GARIN2: variants seen among roughly 807,000 people sequenced by gnomAD.
The protein encoded by GARIN2 is Golgi-associated RAB2 interactor protein 2.
At chr14:67,190,081 T>G in the GARIN2 span, among the ~76,000 whole-genome samples, 2 of 149,702 alleles carry the variant, frequency 1.3e-5, no homozygotes, top group Non-Finnish European at 3.0e-5. Context: ...TTTTTTTTTT[T>G]TTTTTTTGTA....
the GARIN2 span, among the ~76,000 whole-genome samples, chr14:67,209,734 C>T: frequency 6.6e-6 from 1 of 151,138 alleles, no homozygotes; most frequent in Non-Finnish European, 1.5e-5. Flanking sequence ...AGGAGAATTG[C>T]CTGAACCCGG....
chr14:67,196,497 T>C, the GARIN2 span, among the ~76,000 whole-genome samples: 1 of 152,202 alleles, frequency 6.6e-6, no homozygotes, highest in Non-Finnish European at 1.5e-5. Flanking sequence ...GCTGGGATTA[T>C]AGGCGTGAGC....
the GARIN2 span, chr14:67,204,457 A>T: frequency 1.6e-6 from 2 of 1,240,518 alleles, no homozygotes; most frequent in Non-Finnish European, 1.1e-6. Context: ...AAACAAACAA[A>T]TATATATATA....
chr14:67,225,822 T>C, the GARIN2 span, among the ~76,000 whole-genome samples: 64 of 152,252 alleles, frequency 4.2e-4, no homozygotes, highest in African/African-American at 1.3e-3. Flanking sequence ...ATGAAACTTC[T>C]CTCAGCCATG....
the GARIN2 span, among the ~76,000 whole-genome samples, chr14:67,225,974 CGTGCGCATGCGCGT>C: frequency 2.6e-5 from 3 of 116,980 alleles, no homozygotes; most frequent in African/African-American, 8.8e-5. Flanking sequence ...CGCGCGCGCG[CGTGCGCATGCGCGT>C]GCATGCTCAT....
At chr14:67,196,451 A>G in the GARIN2 span, among the ~76,000 whole-genome samples, 1 of 152,032 alleles carries the variant, frequency 6.6e-6, no homozygotes, top group Non-Finnish European at 1.5e-5. Flanking sequence ...TGAACTCCTG[A>G]CCTAAGGTGA....
the GARIN2 span, among the ~76,000 whole-genome samples, chr14:67,213,095 GTT>G: frequency 1.6e-4 from 22 of 135,606 alleles, 1 homozygote; most frequent in East Asian, 6.3e-4. Flanking sequence ...ATTCTGTGGT[GTT>G]TTTTTTTTTT....
chr14:67,222,081 G>C, the GARIN2 span: 1 of 382,132 alleles, frequency 2.6e-6, no homozygotes, highest in Non-Finnish European at 4.6e-6. Flanking sequence ...CCAGTTCCCT[G>C]TATCTAAATC....
chr14:67,200,302 C>T, the GARIN2 span: 91,667 of 670,784 alleles, frequency 0.14, 11,086 homozygotes, highest in East Asian at 0.41. Context: ...CCTCGAGGCC[C>T]GCTTTGGAGC....
chr14:67,206,354 G>A, the GARIN2 span, among the ~76,000 whole-genome samples: 2 of 151,990 alleles, frequency 1.3e-5, no homozygotes, highest in East Asian at 1.9e-4. Context: ...AAAATTAGCC[G>A]GTGTGGTAGT....
At chr14:67,205,717 A>G in the GARIN2 span, among the ~76,000 whole-genome samples, 1 of 152,216 alleles carries the variant, frequency 6.6e-6, no homozygotes, top group Non-Finnish European at 1.5e-5. Flanking sequence ...AAAAAACTTG[A>G]GAGCCAAATT....
At chr14:67,215,246 C>T in the GARIN2 span, among the ~76,000 whole-genome samples, 2 of 152,176 alleles carry the variant, frequency 1.3e-5, no homozygotes, top group South Asian at 4.1e-4. Context: ...ATAGGCTCAC[C>T]AGGAATCTTC....
At chr14:67,214,790 A>G in the GARIN2 span, among the ~76,000 whole-genome samples, 1,040 of 152,234 alleles carry the variant, frequency 6.8e-3, 17 homozygotes, top group African/African-American at 0.024. Context: ...GATTCTTCCT[A>G]TCCATGAGCA....
At chr14:67,216,284 A>C in the GARIN2 span, among the ~76,000 whole-genome samples, 1 of 152,014 alleles carries the variant, frequency 6.6e-6, no homozygotes, top group African/African-American at 2.4e-5. Context: ...ACTAACCTGT[A>C]GTCTTCTTTT....
the GARIN2 span, chr14:67,204,964 G>A: frequency 1.3e-6 from 2 of 1,596,418 alleles, no homozygotes. Context: ...TGTAAGAATT[G>A]TCACAGAAGT....
chr14:67,202,308 G>A, the GARIN2 span, among the ~76,000 whole-genome samples: 1 of 152,162 alleles, frequency 6.6e-6, no homozygotes. Flanking sequence ...GGGCTTGGTG[G>A]CATGTGCCTG....
the GARIN2 span, among the ~76,000 whole-genome samples, chr14:67,192,124 C>T: frequency 9.9e-5 from 15 of 152,236 alleles, no homozygotes; most frequent in Non-Finnish European, 2.2e-4. Context: ...AAGCCCTTCC[C>T]TGCAACATAG....
the GARIN2 span, among the ~76,000 whole-genome samples, chr14:67,214,640 G>GC: frequency 6.6e-5 from 10 of 151,982 alleles, no homozygotes; most frequent in African/African-American, 2.4e-4. Context: ...GATTGACTTG[G>GC]CGATGCGGGC....
At chr14:67,207,595 G>C in the GARIN2 span, among the ~76,000 whole-genome samples, 5 of 152,168 alleles carry the variant, frequency 3.3e-5, no homozygotes, top group Non-Finnish European at 5.9e-5. Context: ...AGAAGAAGGT[G>C]CAGACATGAA....
Sources: gnomAD v4.1 joint callset for allele counts (sites outside exome capture counted in the v4.1 genomes callset) on GRCh38, gnomAD v4.1.1 for gene constraint, MANE v1.5 for transcripts, NCBI Gene and HGNC (gene_info 2026-07-23, HGNC 2026-07-21) for gene names.